The following SVIL variants were observed in gnomAD, a reference collection of about 807,000 sequenced individuals.
SVIL encodes archvillin.
SVIL carries 101 observed loss-of-function variants against 240.4 expected under a neutral mutation model. The observed-to-expected ratio is 0.42, with a 90% CI of 0.36 to 0.50. SVIL has a LOEUF of 0.50. Ranked by LOEUF, SVIL falls within the 20% of genes least tolerant of loss-of-function variation. The pLI is 0.01. For missense variants in SVIL, 2,512 were observed against 2,818.7 expected (o/e 0.89, Z 2.46); for synonymous variants, 999 against 1,100.0 (o/e 0.91, Z 1.82).
At chr10:29,540,728 G>A (rs545214959) in intron 6 of SVIL, among the ~76,000 whole-genome samples, 33 of 152,188 alleles carry the variant, frequency 2.2e-4, no homozygotes, top group Non-Finnish European at 4.3e-4. Context: ...CCTGGTCACA[G>A]CCACAACCCT....
intron 16 of SVIL, among the ~76,000 whole-genome samples, chr10:29,514,001 G>A (rs1950036259): frequency 1.3e-5 from 2 of 150,402 alleles, no homozygotes; most frequent in Middle Eastern, 3.5e-3. Flanking sequence ...AAAAAAAAAG[G>A]TGGTGATCAC....
intron 1 of SVIL, among the ~76,000 whole-genome samples, chr10:29,724,290 A>G (rs1964156718): frequency 6.6e-6 from 1 of 151,086 alleles, no homozygotes; most frequent in African/African-American, 2.4e-5. Context: ...ACTTCTTCCA[A>G]CACTGTGAGA....
In SVIL at chr10:29,512,644, A is replaced by T. The variant is rs536551826; in HGVS notation, c.3516+91T>A. On this transcript the variant is annotated intron_variant, in intron 17 of 37. Transcript: ENST00000355867. ...GCAAAAATGCACAAATGCTTCACAGAGTAGGAATTAGGTGGCACACGCTTG... is the reference window on the plus strand; with the variant it reads ...GCAAAAATGCACAAATGCTTCACAGTGTAGGAATTAGGTGGCACACGCTTG... 1.6e-4 allele frequency: 255 copies of T among 1,604,508 alleles called. No individual in the cohort carries two copies. In the African/African-American group the frequency reaches 2.3e-3, roughly 14 times the overall value.
chr10:29,628,530 C>T (rs1012674178), intron 1 of SVIL, among the ~76,000 whole-genome samples: 2 of 152,140 alleles, frequency 1.3e-5, no homozygotes, highest in Non-Finnish European at 2.9e-5. Flanking sequence ...ATTGAAAGTC[C>T]AGAAAGAAAC....
intron 3 of SVIL, among the ~76,000 whole-genome samples, chr10:29,561,368 G>A (rs1486338717): frequency 2.0e-5 from 3 of 151,982 alleles, no homozygotes; most frequent in Non-Finnish European, 2.9e-5. Context: ...TGATTTTTCT[G>A]CTCATAATAT....
chr10:29,497,954 C>T (rs1244871839), intron 18 of SVIL, among the ~76,000 whole-genome samples: 8 of 151,108 alleles, frequency 5.3e-5, no homozygotes, highest in East Asian at 2.0e-4. Flanking sequence ...TGGTGGCGCG[C>T]GCCTGTGATC....
rs1382270828 is a variant in SVIL at position 29,729,849 on chromosome 10, A to AG, written c.-400+5901_-400+5902insC. Among the ~76,000 whole-genome samples, 221 of 148,484 alleles carry AG rather than the reference A, an allele frequency of 1.5e-3. 4 individuals carry two copies. The highest frequency in any genetic ancestry group is 0.011 in the Admixed American group (165 of 14,792). On this transcript the variant is annotated intron_variant, in intron 1 of 35. Transcript: ENST00000375400. ...ACTCCATCTCAAAAAAAAAAAAAAA[A>AG]AAAAAAAAAAAGGTGGCAATTGCTC... is the stretch of plus-strand genomic sequence containing the variant.
chr10:29,538,843 A>T (rs1305768373), intron 6 of SVIL, among the ~76,000 whole-genome samples: 4 of 152,230 alleles, frequency 2.6e-5, no homozygotes, highest in Admixed American at 2.0e-4. Flanking sequence ...GAACATCTGT[A>T]AAATAAATAC....
At chr10:29,604,019 T>C (rs1034321015) in intron 1 of SVIL, among the ~76,000 whole-genome samples, 9 of 152,162 alleles carry the variant, frequency 5.9e-5, no homozygotes, top group African/African-American at 2.2e-4. Context: ...TTCCGCCCCC[T>C]TCCCCATTTC....
chr10:29,675,148 A>G (rs896170865), intron 2 of SVIL, among the ~76,000 whole-genome samples: 3 of 152,176 alleles, frequency 2.0e-5, no homozygotes, highest in African/African-American at 7.2e-5. Flanking sequence ...AATCAGGCCA[A>G]TGAGCCCAGT....
intron 1 of SVIL, among the ~76,000 whole-genome samples, chr10:29,712,201 T>C (rs926194821): frequency 2.0e-5 from 3 of 152,212 alleles, no homozygotes. Flanking sequence ...TGCTGCGGTT[T>C]GGATATTCGA....
chr10:29,602,687 T>A (rs962546131), intron 1 of SVIL, among the ~76,000 whole-genome samples: 6 of 152,142 alleles, frequency 3.9e-5, no homozygotes, highest in African/African-American at 9.7e-5. Flanking sequence ...ATAATTTTTT[T>A]AAAAAAGAAA....
At chr10:29,536,943 A>G (rs1951788841) in intron 6 of SVIL, among the ~76,000 whole-genome samples, 1 of 148,666 alleles carries the variant, frequency 6.7e-6, no homozygotes, top group South Asian at 2.1e-4. Flanking sequence ...AACGGAGTCT[A>G]TTATAGTCAC....
At chr10:29,691,644 G>T (rs1442759964) in intron 1 of SVIL, among the ~76,000 whole-genome samples, 1 of 152,150 alleles carries the variant, frequency 6.6e-6, no homozygotes, top group Admixed American at 6.5e-5. Flanking sequence ...TTTTGACTCA[G>T]TCTTTCTGCC....
At chr10:29,699,706 G>A (rs752015164) in intron 1 of SVIL, among the ~76,000 whole-genome samples, 7 of 152,230 alleles carry the variant, frequency 4.6e-5, no homozygotes, top group Non-Finnish European at 8.8e-5. Context: ...TCTTTACTGA[G>A]TGTTACTGAC....
chr10:29,615,568 G>A (rs1340911257), intron 1 of SVIL, among the ~76,000 whole-genome samples: 2 of 152,220 alleles, frequency 1.3e-5, no homozygotes, highest in African/African-American at 4.8e-5. Flanking sequence ...GAGAAGGTTT[G>A]AATGAATCAG....
intron 2 of SVIL, among the ~76,000 whole-genome samples, chr10:29,669,453 T>A (rs1164700272): frequency 1.3e-5 from 2 of 152,214 alleles, no homozygotes; most frequent in African/African-American, 2.4e-5. Flanking sequence ...GAGTTTATTC[T>A]GAGAGTTTCT....
At chr10:29,557,948 G>A (rs1164406116) in intron 3 of SVIL, among the ~76,000 whole-genome samples, 2 of 152,176 alleles carry the variant, frequency 1.3e-5, no homozygotes, top group Admixed American at 6.5e-5. Context: ...GAGCTCTGCC[G>A]CAGGATGTTG....
At chr10:29,532,499 C>A in intron 8 of SVIL, 30 bp downstream of exon 8, 1 of 1,579,134 alleles carries the variant, frequency 6.3e-7, no homozygotes, top group Non-Finnish European at 8.6e-7. Flanking sequence ...GCAAGTGACA[C>A]AGCTGGAGGG....
Sources: allele counts gnomAD v4.1 joint callset (sites outside exome capture counted in the v4.1 genomes callset), GRCh38; gene constraint gnomAD v4.1.1; transcripts MANE v1.5; gene names NCBI Gene and HGNC (gene_info 2026-07-23, HGNC 2026-07-21).